Variants in ZNF451 observed in about 807,000 individuals in gnomAD.
ZNF451 encodes zinc finger protein 451.
In ZNF451, 80 loss-of-function variants were observed where a neutral mutation model predicts 107.1. That is an observed-to-expected ratio of 0.75 (90% confidence interval 0.62 to 0.90). The LOEUF is 0.90. Ranked by LOEUF, ZNF451 falls within the 40% of genes least tolerant of loss-of-function variation. The pLI, the probability that ZNF451 is intolerant of heterozygous loss-of-function variation, is 0.00. For missense variants in ZNF451, 1,107 were observed against 1,236.2 expected, an observed-to-expected ratio of 0.90 and a Z score of 1.57; for synonymous variants, 362 against 406.5, an observed-to-expected ratio of 0.89 and a Z score of 1.32.
intron 6 of ZNF451, among the ~76,000 whole-genome samples, chr6:57,133,696 G>A (rs1831291788): frequency 1.3e-5 from 2 of 151,978 alleles, no homozygotes; most frequent in South Asian, 4.1e-4. Context: ...TTGTTTGTTT[G>A]TTTTTTTGAG....
rs1055997914 is a variant in ZNF451, at chr6:57,141,950, A to G, written c.859A>G (p.Asn287Asp). 6 of 1,612,812 alleles carry G rather than the reference A, an allele frequency of 3.7e-6. No individual in the cohort carries two copies. In the Admixed American group the frequency reaches 5.0e-5, roughly 13 times the overall value. The change falls in exon 9 of 15, where the codon AAC becomes GAC. Residue 287 changes from asparagine (N) to aspartate (D), a missense_variant and splice_region_variant. Around this residue, in one of 5 missense-constraint regions of ZNF451, gnomAD observed 339 missense variants for 372.8 expected, o/e 0.91. Transcript: ENST00000370706. ...TTATAGTTTATTTTGTCTTTCAGAT[A>G]ACAAAGGAATTGCACATCCAATATC... ...HFHQSFKLGD[N>D]KGIAHPISFP... is the part of the protein sequence containing the mutation.
chr6:57,113,443 G>T (rs149263023), intron 3 of ZNF451, among the ~76,000 whole-genome samples: 9 of 151,250 alleles, frequency 6.0e-5, no homozygotes, highest in Admixed American at 2.0e-4. Context: ...CATTAATTCC[G>T]CATTCCCTTT....
intron 13 of ZNF451, chr6:57,159,470 C>A: frequency 1.2e-6 from 1 of 806,182 alleles, no homozygotes; most frequent in Non-Finnish European, 1.5e-6. Flanking sequence ...TGGCCCAGTT[C>A]AGCTTTGAAT....
chr6:57,146,075 G>A (rs1421396007), intron 9 of ZNF451, among the ~76,000 whole-genome samples: 2 of 151,920 alleles, frequency 1.3e-5, no homozygotes. Context: ...TGGGCCAGTT[G>A]TATGTCTTCT....
At chr6:57,123,794 T>C (rs1182607652) in intron 3 of ZNF451, among the ~76,000 whole-genome samples, 3 of 152,232 alleles carry the variant, frequency 2.0e-5, no homozygotes, top group Admixed American at 1.3e-4. Flanking sequence ...ATGTACATAG[T>C]GATTTTTTAA....
intron 9 of ZNF451, among the ~76,000 whole-genome samples, chr6:57,143,191 G>A (rs1428720942): frequency 1.3e-5 from 2 of 152,088 alleles, no homozygotes; most frequent in Non-Finnish European, 2.9e-5. Context: ...TTGATGAACA[G>A]AAGCTTTTCT....
At chr6:57,104,142 C>T (rs1426073175) in intron 3 of ZNF451, 1 of 984,578 alleles carries the variant, frequency 1.0e-6, no homozygotes, top group Non-Finnish European at 1.2e-6. Flanking sequence ...GAAATAGGTC[C>T]ATGCCAGTGT....
Position 57,158,039 on chromosome 6 carries a change from C to T in ZNF451, c.3071-3045C>T, listed in dbSNP as rs568274390. ...GCTTTTTAATCCCCTTTGCAAGCTA[C>T]GAAGTAGGTGTTGGATTACCCCATT... On this transcript the variant is annotated intron_variant, in intron 13 of 14. Transcript: ENST00000370706. Among the ~76,000 whole-genome samples, 63 of 152,262 alleles carry T rather than the reference C, an allele frequency of 4.1e-4. 1 individual carries two copies. In the South Asian group the frequency reaches 0.01, roughly 25 times the overall value.
At chr6:57,126,973 A>T (rs1463500505) in intron 4 of ZNF451, among the ~76,000 whole-genome samples, 2 of 152,202 alleles carry the variant, frequency 1.3e-5, no homozygotes, top group African/African-American at 4.8e-5. Flanking sequence ...GTAATATTTA[A>T]TCTCAATTAT....
intron 7 of ZNF451, among the ~76,000 whole-genome samples, chr6:57,138,288 A>T (rs1831537459): frequency 6.8e-6 from 1 of 146,634 alleles, no homozygotes; most frequent in Non-Finnish European, 1.5e-5. Context: ...TTTAAGACGG[A>T]GCCTCGCTGT....
intron 7 of ZNF451, among the ~76,000 whole-genome samples, chr6:57,137,172 A>G (rs1219005223): frequency 6.6e-6 from 1 of 152,230 alleles, no homozygotes; most frequent in Non-Finnish European, 1.5e-5. Context: ...AAAGAAAACT[A>G]GTATGCATGG....
chr6:57,132,958 A>G (rs1831253567), intron 5 of ZNF451, 84 bp from the exon 6 acceptor site: 1 of 1,408,558 alleles, frequency 7.1e-7, no homozygotes, highest in Middle Eastern at 1.8e-4. Context: ...CATAATTTTC[A>G]TTGTTTTGTC....
chr6:57,135,989 CT>C (rs1487207478), intron 7 of ZNF451, among the ~76,000 whole-genome samples: 1 of 152,146 alleles, frequency 6.6e-6, no homozygotes, highest in African/African-American at 2.4e-5. Context: ...AGAATTAAAG[CT>C]TGCATTCTAA....
chr6:57,158,199 G>T (rs1763520656), intron 13 of ZNF451, among the ~76,000 whole-genome samples: 1 of 152,186 alleles, frequency 6.6e-6, no homozygotes, highest in African/African-American at 2.4e-5. Flanking sequence ...CTGATTCCAT[G>T]ATGTAGAGCT....
At chr6:57,106,809 C>CA in intron 3 of ZNF451, 1 of 985,028 alleles carries the variant, frequency 1.0e-6, no homozygotes, top group Non-Finnish European at 1.2e-6. Flanking sequence ...ATAGTAGATA[C>CA]ACAAACCAGT....
chr6:57,125,262 T>C (rs1562606575), intron 4 of ZNF451, among the ~76,000 whole-genome samples: 1 of 152,196 alleles, frequency 6.6e-6, no homozygotes, highest in Non-Finnish European at 1.5e-5. Context: ...TTTTAGCTTA[T>C]CCTTCCAAAT....
At chr6:57,096,756 C>T (rs996334035) in intron 2 of ZNF451, among the ~76,000 whole-genome samples, 1 of 135,304 alleles carries the variant, frequency 7.4e-6, no homozygotes, top group African/African-American at 2.7e-5. Context: ...ATCGAACATA[C>T]AATTTTCAGT....
intron 3 of ZNF451, chr6:57,099,678 T>C (rs1829494719): frequency 5.1e-6 from 3 of 584,502 alleles, no homozygotes; most frequent in Non-Finnish European, 6.1e-6. Flanking sequence ...GATGTACTGG[T>C]TGTAGGTTTG....
chr6:57,158,787 A>T (rs1233300637), intron 13 of ZNF451: 1 of 985,360 alleles, frequency 1.0e-6, no homozygotes, highest in African/African-American at 1.7e-5. Flanking sequence ...TATGCTCCTT[A>T]GATGGTCTTG....
Sources: allele counts gnomAD v4.1 joint callset (sites outside exome capture counted in the v4.1 genomes callset), GRCh38; gene constraint gnomAD v4.1.1; regional missense constraint gnomAD v4.1.1; transcripts MANE v1.5; gene names NCBI Gene and HGNC (gene_info 2026-07-23, HGNC 2026-07-21).